Variants in IQCM observed in about 807,000 individuals in gnomAD.
IQCM encodes IQ domain-containing protein M.
Under a neutral mutation model 57.6 loss-of-function variants are expected in IQCM, and 45 were observed. That is an observed-to-expected ratio of 0.78 (90% CI 0.62 to 1.00). The LOEUF is 1.00. Ranked by LOEUF, IQCM falls within the 50% of genes least tolerant of loss-of-function variation. The probability of loss-of-function intolerance (pLI) is 0.00; values close to 1 mark genes in which losing one functional copy is unlikely to be tolerated. For synonymous variants in IQCM, 148 were observed against 158.9 expected, an observed-to-expected ratio of 0.93 and a Z score of 0.51; for missense variants, 468 against 511.6, an observed-to-expected ratio of 0.91 and a Z score of 0.82.
At chr4:149,721,095 A>G (rs1765407995) in intron 5 of IQCM, among the ~76,000 whole-genome samples, 1 of 152,150 alleles carries the variant, frequency 6.6e-6, no homozygotes, top group African/African-American at 2.4e-5. Flanking sequence ...CTACTGATTC[A>G]ACTAATGGCA....
intron 12 of IQCM, among the ~76,000 whole-genome samples, chr4:149,512,257 G>A (rs899883050): frequency 6.6e-6 from 1 of 151,980 alleles, no homozygotes; most frequent in Non-Finnish European, 1.5e-5. Context: ...AGTTTATAGG[G>A]GTTGGGGGGG....
At chr4:149,597,029 A>T (rs1753838374) in intron 8 of IQCM, among the ~76,000 whole-genome samples, 1 of 152,196 alleles carries the variant, frequency 6.6e-6, no homozygotes, top group Non-Finnish European at 1.5e-5. Flanking sequence ...TTATGTAAAG[A>T]CTATAAAATA....
intron 12 of IQCM, among the ~76,000 whole-genome samples, chr4:149,488,122 A>G (rs1201463475): frequency 6.6e-6 from 1 of 152,078 alleles, no homozygotes; most frequent in Non-Finnish European, 1.5e-5. Flanking sequence ...TTATTTGTTT[A>G]CCATATAAAA....
intron 12 of IQCM, among the ~76,000 whole-genome samples, chr4:149,482,265 T>C (rs1314249629): frequency 1.3e-5 from 2 of 152,054 alleles, no homozygotes; most frequent in Non-Finnish European, 2.9e-5. Flanking sequence ...TTGGATGTTC[T>C]TTATTTCTTC....
chr4:149,767,610 C>A (rs544553674), intron 2 of IQCM, among the ~76,000 whole-genome samples: 1 of 152,148 alleles, frequency 6.6e-6, no homozygotes, highest in South Asian at 2.1e-4. Flanking sequence ...ATTTCCTGAA[C>A]TGGACCCCAG....
chr4:149,388,721 TTC>T (rs1407691132), intron 13 of IQCM, among the ~76,000 whole-genome samples: 1 of 144,852 alleles, frequency 6.9e-6, no homozygotes, highest in East Asian at 2.0e-4. Flanking sequence ...TATATGTCCT[TTC>T]TCTGACATAT....
chr4:149,683,484 G>A (rs2150208020), intron 6 of IQCM, among the ~76,000 whole-genome samples: 1 of 151,382 alleles, frequency 6.6e-6, no homozygotes, highest in East Asian at 1.9e-4. Context: ...CTATTAATTT[G>A]ACTGTCACTC....
At chr4:149,699,836 C>G (rs1031785905) in intron 5 of IQCM, among the ~76,000 whole-genome samples, 15 of 151,844 alleles carry the variant, frequency 9.9e-5, no homozygotes, top group African/African-American at 3.6e-4. Flanking sequence ...AGTTCACCAC[C>G]TGTCTCCAGA....
rs1159803060 is a variant in IQCM at position 149,723,278 on chromosome 4, T to A, written c.385+9966A>T. ...CTTTTCTAATTTGGATGCGTCTTAT[T>A]TCTTTCTCTTGCCTGATTGCTCTGC... On this transcript the variant is annotated intron_variant, in intron 5 of 13. Coordinates refer to ENST00000636793, the MANE Select transcript of IQCM (RefSeq NM_001363507.2). 2.0e-5 allele frequency among the ~76,000 whole-genome samples: 3 copies of A among 152,176 alleles called. No homozygotes were observed. The East Asian group carries it at 5.8e-4, about 29-fold the overall frequency.
intron 8 of IQCM, among the ~76,000 whole-genome samples, chr4:149,619,865 A>C (rs559823104): frequency 2.0e-5 from 3 of 152,256 alleles, no homozygotes; most frequent in African/African-American, 7.2e-5. Context: ...GTACAGAAGA[A>C]AGACAACATG....
At chr4:149,654,026 G>A (rs1221873832) in intron 7 of IQCM, among the ~76,000 whole-genome samples, 1 of 152,154 alleles carries the variant, frequency 6.6e-6, no homozygotes, top group Non-Finnish European at 1.5e-5. Flanking sequence ...CAAAGGAGGT[G>A]CTTTACATAT....
chr4:149,708,236 T>A (rs1764301386), intron 5 of IQCM, among the ~76,000 whole-genome samples: 1 of 152,064 alleles, frequency 6.6e-6, no homozygotes, highest in Non-Finnish European at 1.5e-5. Context: ...GTTATTGTAA[T>A]GTTATCCAGC....
At chr4:149,646,093 G>C (rs541145652) in intron 7 of IQCM, among the ~76,000 whole-genome samples, 12 of 152,122 alleles carry the variant, frequency 7.9e-5, no homozygotes, top group Non-Finnish European at 1.2e-4. Flanking sequence ...CCCAGCCTTG[G>C]GGGAGAAGGG....
intron 2 of IQCM, among the ~76,000 whole-genome samples, chr4:149,775,441 A>T (rs1470194323): frequency 6.6e-6 from 1 of 152,192 alleles, no homozygotes; most frequent in Non-Finnish European, 1.5e-5. Flanking sequence ...AATAAAAATA[A>T]AAACAGAGCT....
At position 149,761,176 on chromosome 4, in the gene IQCM, C is replaced by G. The variant is rs574513945; in HGVS notation, c.-48-18437G>C. ...AATAAATGATATAAAATCTAGCTTTCCTTCACATATAACCTTATTACTAAA... is the reference window on the plus strand; with the variant it reads ...AATAAATGATATAAAATCTAGCTTTGCTTCACATATAACCTTATTACTAAA... On this transcript the variant is annotated intron_variant, in intron 2 of 13. Transcript: ENST00000636793. 3.0e-4 allele frequency among the ~76,000 whole-genome samples: 46 copies of G among 152,162 alleles called. No individual in the cohort carries two copies. The South Asian group carries it at 6.8e-3, about 23-fold the overall frequency.
At chr4:149,628,874 G>C (rs1757024767) in intron 7 of IQCM, among the ~76,000 whole-genome samples, 1 of 152,026 alleles carries the variant, frequency 6.6e-6, no homozygotes, top group South Asian at 2.1e-4. Flanking sequence ...AACAGCAAAA[G>C]AATCAATAAA....
At chr4:149,662,015 C>A (rs980753464) in intron 7 of IQCM, among the ~76,000 whole-genome samples, 2 of 151,730 alleles carry the variant, frequency 1.3e-5, no homozygotes, top group Non-Finnish European at 2.9e-5. Context: ...TTTTTAGGTC[C>A]TTGCAGTGCA....
At chr4:149,782,885 C>G (rs1176548304) in intron 2 of IQCM, among the ~76,000 whole-genome samples, 1 of 152,168 alleles carries the variant, frequency 6.6e-6, no homozygotes, top group Non-Finnish European at 1.5e-5. Flanking sequence ...CTTTCACCTT[C>G]CACCCTCACT....
intron 12 of IQCM, among the ~76,000 whole-genome samples, chr4:149,445,244 G>A (rs1399014042): frequency 1.3e-5 from 2 of 151,644 alleles, no homozygotes; most frequent in East Asian, 1.9e-4. Context: ...AAAAAATGGC[G>A]GCCAAATGGG....
Sources: allele counts gnomAD v4.1 joint callset (sites outside exome capture counted in the v4.1 genomes callset), GRCh38; gene constraint gnomAD v4.1.1; transcripts MANE v1.5; gene names NCBI Gene and HGNC (gene_info 2026-07-23, HGNC 2026-07-21).